Variants in PIAS2 observed in about 807,000 individuals in gnomAD.
The protein encoded by PIAS2 is E3 SUMO-protein ligase PIAS2.
In PIAS2, 19 loss-of-function variants were observed where a neutral mutation model predicts 69.7. The ratio of observed to expected loss-of-function variants is 0.27; its 90% CI spans 0.19 to 0.40. PIAS2 has a LOEUF of 0.40. PIAS2 is among the 10% of genes least tolerant of loss of function. The pLI is 1.00. For missense variants in PIAS2, 624 were observed against 757.0 expected (o/e 0.82, Z 2.06); for synonymous variants, 261 against 263.2 (o/e 0.99, Z 0.08).
chr18:46,844,152 AATTT>A, intron 7 of PIAS2, 25 bp from the exon 8 acceptor site: 1 of 1,258,232 alleles, frequency 7.9e-7, no homozygotes, highest in Non-Finnish European at 1.1e-6. Flanking sequence ...GAAAAAAAAA[AATTT>A]AAAAAAATTA....
intron 11 of PIAS2, among the ~76,000 whole-genome samples, chr18:46,821,612 A>G (rs1318910596): frequency 6.6e-6 from 1 of 152,120 alleles, no homozygotes; most frequent in Non-Finnish European, 1.5e-5. Flanking sequence ...GACCAACTTG[A>G]TGGCAATAGG....
intron 5 of PIAS2, chr18:46,852,851 C>G (rs1477473347): frequency 6.6e-6 from 1 of 152,400 alleles, no homozygotes; most frequent in East Asian, 1.9e-4. Flanking sequence ...CAGCTCCCAT[C>G]ACTGGCACAG....
intron 5 of PIAS2, among the ~76,000 whole-genome samples, chr18:46,852,448 G>C (rs2047106731): frequency 6.6e-6 from 1 of 152,114 alleles, no homozygotes; most frequent in East Asian, 1.9e-4. Context: ...ACTGCCCATG[G>C]AGCTGCTGCA....
intron 1 of PIAS2, among the ~76,000 whole-genome samples, chr18:46,896,001 T>TA (rs908968096): frequency 8.6e-5 from 13 of 150,760 alleles, no homozygotes; most frequent in Non-Finnish European, 1.0e-4. Flanking sequence ...AGAGAAACAA[T>TA]AAAAAAAATG....
chr18:46,914,772 T>C (rs1048141476), intron 1 of PIAS2, among the ~76,000 whole-genome samples: 2 of 152,102 alleles, frequency 1.3e-5, no homozygotes, highest in African/African-American at 2.4e-5. Context: ...CAGCCAAATA[T>C]GTGGCATCCA....
rs59693447 is a variant in PIAS2, at chr18:46,808,821, CTTTTTTTTTTTTT to C, written c.*3599_*3611del. The C allele has an allele frequency of 1.9e-5, 2 of 103,092 alleles. No homozygotes were observed. Among genetic ancestry groups the C allele is most frequent in the South Asian group, 3.2e-4 (1 of 3,144 alleles). The allele number at this position is 103,092 out of a possible 1,614,324, so 6.4% of individuals were successfully genotyped here. A position where few individuals can be genotyped will look rare whatever the true frequency, so the allele number is the denominator to read the frequency against. ...AAAGAAAGAATGGTCCGGCTAAGTG[CTTTTTTTTTTTTT>C]TTTTTTTTTAAACCAACTGAAGGCC... On this transcript the variant is annotated 3_prime_UTR_variant, in exon 14 of 14. Transcript: ENST00000585916.
intron 12 of PIAS2, chr18:46,817,260 T>C: frequency 1.0e-6 from 1 of 984,338 alleles, no homozygotes; most frequent in Non-Finnish European, 1.2e-6. Flanking sequence ...GTATTGACAA[T>C]GGTGTTGGAA....
rs182480274 is a variant in PIAS2 at position 46,832,861 on chromosome 18, C to G, written c.1203-2994G>C. Among the ~76,000 whole-genome samples the G allele has an allele frequency of 3.6e-3, 497 of 138,870 alleles. 6 individuals are homozygous for G. In the East Asian group the frequency reaches 0.036, roughly 10 times the overall value. The allele number at this position is 138,870 out of a possible 152,430, so 91.1% of individuals were successfully genotyped here. On this transcript the variant is annotated intron_variant, in intron 9 of 13. Transcript: ENST00000585916. Reference sequence around the variant, plus strand: ...GAGCCAAGATGGTGCCATTGCACTCCAGCCTGGGCAACAGAGCAAGCCTCT... The same window carrying G: ...GAGCCAAGATGGTGCCATTGCACTCGAGCCTGGGCAACAGAGCAAGCCTCT...
rs551436934 is a variant in PIAS2, at chr18:46,824,962, G to C, written c.1508+2997C>G. Among the ~76,000 whole-genome samples, 10 of 150,976 alleles carry C rather than the reference G, an allele frequency of 6.6e-5. 1 individual carries two copies. The South Asian group carries it at 2.1e-3, about 32-fold the overall frequency. The stretch of plus-strand genomic sequence containing the variant: ...CTGCAGTGAGCCGCGATCACACCAC[G>C]GCATTCTAGCCTGGGTCACAAACTG... On this transcript the variant is annotated intron_variant, in intron 11 of 13. Coordinates refer to ENST00000585916, the MANE Select transcript of PIAS2 (RefSeq NM_004671.5).
Position 46,836,401 on chromosome 18 carries a change from A to G in PIAS2, c.1158T>C (p.Pro386=). The change falls in exon 9 of 14, where the codon CCT becomes CCC. Residue 386 remains proline (P), a synonymous_variant. Transcript: ENST00000585916. ...CATAGGCAGCTTTTTTGTCACACAC[A>G]GGACAAATCCAGGTGGGCTTTTTCT... is the stretch of plus-strand genomic sequence containing the variant. The part of the protein sequence containing the change: ...MNEKKPTWIC[P]VCDKKAAYES... The G allele has an allele frequency of 6.2e-7, 1 of 1,614,064 alleles. No homozygotes were observed. Among genetic ancestry groups the G allele is most frequent in the Non-Finnish European group, 8.5e-7 (1 of 1,179,916 alleles).
chr18:46,832,440 CAAAAA>C, intron 9 of PIAS2, among the ~76,000 whole-genome samples: 1 of 149,700 alleles, frequency 6.7e-6, no homozygotes, highest in East Asian at 2.0e-4. Flanking sequence ...AACAAACAAA[CAAAAA>C]AAAGTGGGCA....
chr18:46,860,538 G>C (rs553917660), intron 3 of PIAS2, among the ~76,000 whole-genome samples: 47 of 152,164 alleles, frequency 3.1e-4, no homozygotes, highest in African/African-American at 1.1e-3. Context: ...CAGGGAGAGA[G>C]GTATATCAAA....
chr18:46,844,141 A>AT lies in PIAS2; in HGVS notation c.968-15_968-14insA, dbSNP rs2145227044. ...GTTTTTCTTTAACTTTAAAAAGAAG[A>AT]GAAAAAAAAAAATTTAAAAAAATTA... is the stretch of plus-strand genomic sequence containing the variant. On this transcript the variant is annotated splice_polypyrimidine_tract_variant and intron_variant, in intron 7 of 13. Coordinates refer to ENST00000585916, the MANE Select transcript of PIAS2 (RefSeq NM_004671.5). 7.7e-7 allele frequency: 1 copy of AT among 1,297,220 alleles called. No individual in the cohort carries two copies. The highest frequency in any genetic ancestry group is 2.5e-5 in the East Asian group (1 of 40,272). 80.4% of individuals were successfully genotyped at this position (1,297,220 alleles called of 1,614,324 possible). A position where few individuals can be genotyped will look rare whatever the true frequency, so the allele number is the denominator to read the frequency against.
At chr18:46,836,315 G>A in intron 9 of PIAS2, 42 bp downstream of exon 9, 1 of 1,498,614 alleles carries the variant, frequency 6.7e-7, no homozygotes, top group African/African-American at 1.4e-5. Flanking sequence ...GCCAACAGCT[G>A]TTGTATTAGT....
intron 1 of PIAS2, among the ~76,000 whole-genome samples, chr18:46,913,699 G>T (rs2146328716): frequency 6.6e-6 from 1 of 152,242 alleles, no homozygotes; most frequent in South Asian, 2.1e-4. Flanking sequence ...CCACAATATT[G>T]GAAATATGCA....
intron 5 of PIAS2, among the ~76,000 whole-genome samples, chr18:46,848,871 A>T (rs2046555429): frequency 1.3e-5 from 2 of 151,596 alleles, no homozygotes; most frequent in Non-Finnish European, 2.9e-5. Flanking sequence ...AAAAAAAAAC[A>T]ACTCCTAAGA....
intron 12 of PIAS2, 39 bp from the exon 13 acceptor site, chr18:46,815,388 T>G (rs752707095): frequency 6.2e-7 from 1 of 1,608,238 alleles, no homozygotes; most frequent in Admixed American, 1.7e-5. Flanking sequence ...GTCTCATATT[T>G]TGGGAGACCA....
Position 46,890,623 on chromosome 18 carries a change from G to A in PIAS2, c.456C>T (p.Pro152=). 2.5e-6 allele frequency: 4 copies of A among 1,614,072 alleles called. No homozygotes were observed. The highest frequency in any genetic ancestry group is 3.4e-6 in the Non-Finnish European group (4 of 1,179,956). Residue 152 remains proline, a synonymous_variant, in exon 2 of 14, where the codon CCC becomes CCT. Coordinates refer to ENST00000585916, the MANE Select transcript of PIAS2 (RefSeq NM_004671.5). The part of the protein sequence containing the change: ...VHPDVQLKNL[P]FYDVLDVLIK... ...TGAGAACATCAAGGACATCATAAAA[G>A]GGCAGATTTTTTAACTGCACATCAG...
rs2041502735 is a variant in PIAS2 at position 46,816,108 on chromosome 18, ACT to A, written c.1649-761_1649-760del. 5.1e-6 allele frequency: 5 copies of A among 984,900 alleles called. No individual in the cohort carries two copies. The South Asian group carries it at 1.4e-4, about 28-fold the overall frequency. 61.0% of individuals were successfully genotyped at this position (984,900 alleles called of 1,614,324 possible). On this transcript the variant is annotated intron_variant, in intron 12 of 13. Coordinates refer to ENST00000585916, the MANE Select transcript of PIAS2 (RefSeq NM_004671.5). Reference sequence around the variant, plus strand: ...CACCTAGACCTCCCTGTGTGACTAAACTCTCTTTAATTATTTCAAAACATTAA... The same window carrying A: ...CACCTAGACCTCCCTGTGTGACTAAACTCTTTAATTATTTCAAAACATTAA...
Sources: gnomAD v4.1 joint callset for allele counts (sites outside exome capture counted in the v4.1 genomes callset) on GRCh38, gnomAD v4.1.1 for gene constraint, MANE v1.5 for transcripts, NCBI Gene and HGNC (gene_info 2026-07-23, HGNC 2026-07-21) for gene names.